CGGBP1: variants seen among roughly 807,000 people sequenced by gnomAD.
CGGBP1 encodes the protein CGG triplet repeat-binding protein 1.
Under a neutral mutation model 11.4 loss-of-function variants are expected in CGGBP1, and 4 were observed. The ratio of observed to expected loss-of-function variants is 0.35; its 90% CI spans 0.17 to 0.80. CGGBP1 has a LOEUF of 0.80. Among genes scored for constraint, CGGBP1 ranks in the 30% least tolerant of loss-of-function variants. CGGBP1 has a pLI of 0.52. For synonymous variants in CGGBP1, 76 were observed against 74.1 expected (o/e 1.03, Z -0.13); for missense variants, 135 against 202.1 (o/e 0.67, Z 2.01).
chr3:88,069,637 T>C (rs149133933), intron 2 of CGGBP1, among the ~76,000 whole-genome samples: 2 of 152,358 alleles, frequency 1.3e-5, no homozygotes, highest in East Asian at 1.9e-4. Flanking sequence ...ATCAGGACTT[T>C]TCTGCTACTT....
At chr3:88,113,187 A>G (rs1559718624) in intron 2 of CGGBP1, 2 of 1,532,588 alleles carry the variant, frequency 1.3e-6, no homozygotes, top group Non-Finnish European at 1.7e-6. Context: ...ATATTCTTGG[A>G]TCATTCCAGG....
At chr3:88,123,011 CAAAAAA>C (rs1289535548) in intron 2 of CGGBP1, among the ~76,000 whole-genome samples, 4 of 76,148 alleles carry the variant, frequency 5.3e-5, no homozygotes, top group African/African-American at 1.8e-4. Flanking sequence ...CTCTGAGTCT[CAAAAAA>C]AAAAAAAAAG....
chr3:88,124,503 A>G (rs1705964368), intron 2 of CGGBP1, among the ~76,000 whole-genome samples: 1 of 152,216 alleles, frequency 6.6e-6, no homozygotes, highest in African/African-American at 2.4e-5. Context: ...TGTATATTTT[A>G]ACCAGGAATG....
chr3:88,095,810 T>C (rs771275582), intron 2 of CGGBP1: 4 of 446,802 alleles, frequency 9.0e-6, no homozygotes, highest in Non-Finnish European at 1.7e-5. Flanking sequence ...AATCCAAGTT[T>C]TTCTCAGATT....
intron 2 of CGGBP1, among the ~76,000 whole-genome samples, chr3:88,109,712 T>G (rs1462238321): frequency 6.6e-6 from 1 of 152,204 alleles, no homozygotes; most frequent in East Asian, 1.9e-4. Flanking sequence ...ATATCCCGGA[T>G]AATTATTTCA....
At chr3:88,075,599 C>T (rs539848193) in intron 2 of CGGBP1, among the ~76,000 whole-genome samples, 3 of 152,232 alleles carry the variant, frequency 2.0e-5, no homozygotes, top group African/African-American at 7.2e-5. Context: ...TTATTCCAGG[C>T]CTTGCATAAT....
upstream of CGGBP1, among the ~76,000 whole-genome samples, chr3:88,061,481 C>T (rs2107580363): frequency 6.6e-6 from 1 of 152,170 alleles, no homozygotes; most frequent in Middle Eastern, 3.4e-3. Context: ...CAACTTTTAC[C>T]TGAAACATAG....
intron 1 of CGGBP1, among the ~76,000 whole-genome samples, chr3:88,148,885 C>T (rs1707357185): frequency 1.3e-5 from 2 of 152,232 alleles, no homozygotes; most frequent in South Asian, 4.1e-4. Context: ...TTGTGATCTG[C>T]CCGCCTCAGC....
chr3:88,137,250 G>C (rs1269929180), intron 2 of CGGBP1, among the ~76,000 whole-genome samples: 1 of 138,934 alleles, frequency 7.2e-6, no homozygotes, highest in African/African-American at 2.6e-5. Flanking sequence ...GAAAGAAAAC[G>C]AATTCTGTTT....
intron 2 of CGGBP1, among the ~76,000 whole-genome samples, chr3:88,101,240 T>G (rs1226559144): frequency 6.6e-6 from 1 of 152,176 alleles, no homozygotes; most frequent in Non-Finnish European, 1.5e-5. Context: ...TTCATTTTCA[T>G]TACCCCAGAA....
At chr3:88,094,417 G>T (rs181935859) in intron 2 of CGGBP1, among the ~76,000 whole-genome samples, 7 of 152,042 alleles carry the variant, frequency 4.6e-5, no homozygotes, top group African/African-American at 1.7e-4. Context: ...ATTACTAATT[G>T]GTATATTTCT....
At chr3:88,086,473 T>G in intron 2 of CGGBP1, 1 of 1,280,294 alleles carries the variant, frequency 7.8e-7, no homozygotes, top group Non-Finnish European at 1.0e-6. Flanking sequence ...TTTGATAATT[T>G]CTTCTGAAGA....
intron 1 of CGGBP1, chr3:88,142,797 CA>C (rs1398352185): frequency 6.6e-6 from 1 of 152,148 alleles, no homozygotes; most frequent in East Asian, 1.9e-4. Context: ...TTACACAAAA[CA>C]TTTGCACAAG....
intron 2 of CGGBP1, among the ~76,000 whole-genome samples, chr3:88,095,043 G>T (rs772396149): frequency 6.6e-6 from 1 of 152,052 alleles, no homozygotes; most frequent in Non-Finnish European, 1.5e-5. Flanking sequence ...CAGAATTATA[G>T]AATTCAAAAT....
chr3:88,056,047 T>TACTTCCAGAATGAA, intron 3 of CGGBP1, 48 bp from the exon 4 acceptor site: 2 of 1,397,498 alleles, frequency 1.4e-6, no homozygotes, highest in Non-Finnish European at 1.9e-6. Context: ...AACAGTTCAT[T>TACTTCCAGAATGAA]CTGGAAGTAA....
chr3:88,149,574 C>T (rs1178102855), intron 1 of CGGBP1: 1 of 153,858 alleles, frequency 6.5e-6, no homozygotes, highest in Non-Finnish European at 1.4e-5. Flanking sequence ...TCACCCAACT[C>T]AGAAGTGGCC....
intron 2 of CGGBP1, among the ~76,000 whole-genome samples, chr3:88,069,320 G>T (rs1441703028): frequency 6.6e-6 from 1 of 152,172 alleles, no homozygotes; most frequent in East Asian, 1.9e-4. Context: ...TACTTGGGAG[G>T]CTGAGGCAGG....
At chr3:88,065,036 G>A (rs1262197650) in intron 2 of CGGBP1, among the ~76,000 whole-genome samples, 3 of 152,118 alleles carry the variant, frequency 2.0e-5, no homozygotes, top group Admixed American at 6.5e-5. Flanking sequence ...ATTTTTAATT[G>A]CATCGATAAT....
intron 2 of CGGBP1, chr3:88,129,934 A>C: frequency 2.1e-6 from 2 of 951,472 alleles, no homozygotes; most frequent in Non-Finnish European, 2.8e-6. Context: ...AGCTACTTTT[A>C]AAAAAAAATT....
Sources: gnomAD v4.1 joint callset for allele counts (sites outside exome capture counted in the v4.1 genomes callset) on GRCh38, gnomAD v4.1.1 for gene constraint, MANE v1.5 for transcripts, NCBI Gene and HGNC (gene_info 2026-07-23, HGNC 2026-07-21) for gene names.